L3MBTL1: variants seen among roughly 807,000 people sequenced by gnomAD.
The protein encoded by L3MBTL1 is L3MBTL histone methyl-lysine binding protein 1.
Under a neutral mutation model 105.3 loss-of-function variants are expected in L3MBTL1, and 75 were observed. That is an observed-to-expected ratio of 0.71 (90% CI 0.59 to 0.86). The LOEUF is 0.86. L3MBTL1 is among the 40% of genes least tolerant of loss of function. L3MBTL1 has a pLI of 0.00. For missense variants in L3MBTL1, 1,069 were observed against 1,126.4 expected (o/e 0.95, Z 0.73); for synonymous variants, 452 against 436.2 (o/e 1.04, Z -0.45).
chr20:43,529,968 G>T (rs566342765), intron 9 of L3MBTL1, among the ~76,000 whole-genome samples: 30 of 152,322 alleles, frequency 2.0e-4, no homozygotes, highest in Admixed American at 3.9e-4. Context: ...AGCAGAGGGA[G>T]CGGTCATCAG....
At position 43,513,975 on chromosome 20, in the gene L3MBTL1, G is replaced by T; in HGVS notation, c.274G>T (p.Ala92Ser). ...VSATVLPQLS[A>S]GPASSSTSTV... is the part of the protein sequence containing the mutation. ...TGCCACCGTCCTGCCGCAGCTTAGC[G>T]CCGGGCCGGCCAGCTCCAGCACCAG... The change falls in exon 3 of 22, where the codon GCC (alanine) becomes TCC (serine). Residue 92 changes from alanine (A) to serine (S), a missense_variant. Ala to Ser is a moderately conservative substitution (Grantham distance 99, BLOSUM62 1). Coordinates refer to ENST00000418998, the MANE Select transcript of L3MBTL1 (RefSeq NM_001377303.1). The T allele has an allele frequency of 6.5e-7, 1 of 1,546,928 alleles. No homozygotes were observed.
Position 43,522,390 on chromosome 20 carries a change from A to G in L3MBTL1, c.862+6213A>G, listed in dbSNP as rs187730913. On this transcript the variant is annotated intron_variant, in intron 7 of 21. Transcript: ENST00000418998. ...TACAGAAAGAAGATATAATATCAAT[A>G]CACAAGAATCAAACTGTATTAGGGT... Among the ~76,000 whole-genome samples the G allele has an allele frequency of 1.1e-4, 16 of 151,620 alleles. 1 individual carries two copies. In the East Asian group the frequency reaches 3.1e-3, roughly 29 times the overall value.
downstream of L3MBTL1, among the ~76,000 whole-genome samples, chr20:43,544,541 A>C (rs1279687722): frequency 1.3e-5 from 2 of 152,178 alleles, no homozygotes; most frequent in African/African-American, 4.8e-5. Flanking sequence ...ACCTAGTCTC[A>C]GACTGCCAGA....
At position 43,536,310 on chromosome 20, in the gene L3MBTL1, A is replaced by G. The variant is rs1600953393; in HGVS notation, c.2123+16A>G. The G allele has an allele frequency of 6.2e-7, 1 of 1,612,244 alleles. No individual in the cohort carries two copies. Among genetic ancestry groups the G allele is most frequent in the Non-Finnish European group, 8.5e-7 (1 of 1,179,066 alleles). The stretch of plus-strand genomic sequence containing the variant: ...ATCACGGCCGGTATGGAGGCCAGGG[A>G]ATCAGGGCCCGGGCTTCCTGGGGGT... On this transcript the variant is annotated intron_variant, in intron 18 of 21. Coordinates refer to ENST00000418998, the MANE Select transcript of L3MBTL1 (RefSeq NM_001377303.1).
At chr20:43,514,104 C>T (rs746346702) in intron 3 of L3MBTL1, 43 bp downstream of exon 3, 2 of 1,486,142 alleles carry the variant, frequency 1.3e-6, no homozygotes, top group South Asian at 1.2e-5. Flanking sequence ...AAACCGCAGC[C>T]ATGGGGCGGG....
downstream of L3MBTL1, among the ~76,000 whole-genome samples, chr20:43,544,892 G>A (rs1033734048): frequency 2.6e-5 from 4 of 152,096 alleles, no homozygotes; most frequent in African/African-American, 4.8e-5. Context: ...CTTGAACCTG[G>A]GAGGTAGAGG....
intron 7 of L3MBTL1, among the ~76,000 whole-genome samples, chr20:43,527,506 C>G (rs1353247226): frequency 6.8e-6 from 1 of 147,136 alleles, no homozygotes; most frequent in Non-Finnish European, 1.5e-5. Flanking sequence ...GACTTGGAGG[C>G]ATGGACAGGA....
At chr20:43,513,219 C>T (rs756091191) in intron 1 of L3MBTL1, among the ~76,000 whole-genome samples, 2 of 152,280 alleles carry the variant, frequency 1.3e-5, no homozygotes, top group Admixed American at 1.3e-4. Flanking sequence ...TTACAAAGTA[C>T]CCTCACACAT....
intron 7 of L3MBTL1, among the ~76,000 whole-genome samples, chr20:43,524,651 G>A (rs1319435970): frequency 6.6e-6 from 1 of 151,758 alleles, no homozygotes; most frequent in African/African-American, 2.4e-5. Context: ...CATTTAACAA[G>A]CATTTGTTGT....
rs766319498 is a variant in L3MBTL1, at chr20:43,514,046, AG to A, written c.350del (p.Gly117AlafsTer7). The A allele has an allele frequency of 2.0e-6, 3 of 1,533,806 alleles. No individual in the cohort carries two copies. The highest frequency in any genetic ancestry group is 2.6e-6 in the Non-Finnish European group (3 of 1,145,818). Reference sequence around the variant, plus strand: ...GGACAGAGGCCGCGGCCCCGCCCCCAGGGGGCGGCCTGCGGGTCAGTGTCTG... The same window carrying A: ...GGACAGAGGCCGCGGCCCCGCCCCCAGGGGCGGCCTGCGGGTCAGTGTCTG... ...EWTEAAAPPP[G>X]GGLRFRISEY... is the part of the protein sequence containing the mutation. On this transcript the variant is annotated frameshift_variant, in exon 3 of 22. Transcript: ENST00000418998. LOFTEE classifies it high-confidence loss of function.
At chr20:43,518,910 C>T (rs2018554412) in intron 7 of L3MBTL1, among the ~76,000 whole-genome samples, 1 of 142,466 alleles carries the variant, frequency 7.0e-6, no homozygotes, top group Non-Finnish European at 1.5e-5. Flanking sequence ...CCTGTAATCT[C>T]AGCTACTCGG....
chr20:43,535,577 T>A (rs1293132692), intron 16 of L3MBTL1, among the ~76,000 whole-genome samples: 2 of 152,140 alleles, frequency 1.3e-5, no homozygotes, highest in African/African-American at 4.8e-5. Context: ...GAGTGGCTCT[T>A]CTCCCCCAGA....
At chr20:43,542,802 G>A (rs1040384262), downstream of L3MBTL1, among the ~76,000 whole-genome samples, 20 of 152,088 alleles carry the variant, frequency 1.3e-4, no homozygotes, top group Non-Finnish European at 4.4e-5. Context: ...ACTCTTCTAG[G>A]TCTGTCTCTG....
chr20:43,538,069 C>A (rs2019720794), intron 19 of L3MBTL1, among the ~76,000 whole-genome samples: 1 of 152,330 alleles, frequency 6.6e-6, no homozygotes. Flanking sequence ...CTCACTTCCT[C>A]TTGCTGTCAT....
intron 9 of L3MBTL1, among the ~76,000 whole-genome samples, chr20:43,529,610 C>T (rs1248520054): frequency 6.6e-6 from 1 of 152,138 alleles, no homozygotes; most frequent in Non-Finnish European, 1.5e-5. Context: ...ATCCCGAGGG[C>T]CAGGGATGTT....
At position 43,530,156 on chromosome 20, in the gene L3MBTL1, A is replaced by C. The variant is rs2019252239; in HGVS notation, c.1057-128A>C. The stretch of plus-strand genomic sequence containing the variant: ...GTGGGGTACAATTGGGAGGAAAGAA[A>C]GGTGGGGTTGGGGAACCTGCTAGCA... On this transcript the variant is annotated intron_variant, in intron 9 of 21. Transcript: ENST00000418998. 53 of 1,107,170 alleles carry C rather than the reference A, an allele frequency of 4.8e-5. 1 individual carries two copies. In the South Asian group the frequency reaches 6.9e-4, roughly 14 times the overall value. 68.6% of individuals were successfully genotyped at this position (1,107,170 alleles called of 1,614,324 possible). A position where few individuals can be genotyped will look rare whatever the true frequency, so the allele number is the denominator to read the frequency against.
At position 43,510,238 on chromosome 20, in the gene L3MBTL1, G is replaced by A. The variant is rs145252831; in HGVS notation, c.-29+2494G>A. On this transcript the variant is annotated intron_variant, in intron 1 of 21. Coordinates refer to ENST00000418998, the MANE Select transcript of L3MBTL1 (RefSeq NM_001377303.1). Reference sequence around the variant, plus strand: ...GGTCTCCAACTCCTGAGCTCAAAGCGATCCACCCACCTTGGCCTCCCAAAG... The same window carrying A: ...GGTCTCCAACTCCTGAGCTCAAAGCAATCCACCCACCTTGGCCTCCCAAAG... 3.4e-3 allele frequency among the ~76,000 whole-genome samples: 518 copies of A among 152,114 alleles called. 5 individuals are homozygous for A. The highest frequency in any genetic ancestry group is 0.012 in the Admixed American group (188 of 15,266).
chr20:43,514,775 G>A lies in L3MBTL1; in HGVS notation c.501G>A (p.Ala167=), dbSNP rs751656137. The A allele has an allele frequency of 1.2e-5, 19 of 1,547,156 alleles. No individual in the cohort carries two copies. The highest frequency in any genetic ancestry group is 9.6e-5 in the African/African-American group (7 of 73,230). The change falls in exon 4 of 22, where the codon GCG becomes GCA. Residue 167 remains alanine (A), a splice_region_variant and synonymous_variant. Transcript: ENST00000418998. ...AGDGEAGPQQ[A]EDHPQNPPED... ...ATGGCGAGGCGGGCCCCCAACAGGC[G>A]GGTAGGAGCCCCGCTCCCCAGGCCC...
chr20:43,540,731 C>T, intron 20 of L3MBTL1, 22 bp from the exon 21 acceptor site: 4 of 1,613,462 alleles, frequency 2.5e-6, no homozygotes, highest in Non-Finnish European at 1.7e-6. Context: ...CCCTGGTCAA[C>T]ATGTCATCTT....
Sources: gnomAD v4.1 joint callset for allele counts (sites outside exome capture counted in the v4.1 genomes callset) on GRCh38, gnomAD v4.1.1 for gene constraint, MANE v1.5 for transcripts, NCBI Gene and HGNC (gene_info 2026-07-23, HGNC 2026-07-21) for gene names.